Variants in GRIA2 observed in about 807,000 individuals in gnomAD.
GRIA2 encodes the protein glutamate receptor 2.
A neutral mutation model predicts 97.3 loss-of-function variants in GRIA2; 14 were observed. The ratio of observed to expected loss-of-function variants is 0.14; its 90% CI spans 0.10 to 0.23. GRIA2 has a LOEUF of 0.23. Ranked by LOEUF, GRIA2 falls within the 10% of genes least tolerant of loss-of-function variation. The probability of loss-of-function intolerance (pLI) is 1.00; values close to 1 mark genes in which losing one functional copy is unlikely to be tolerated. For synonymous variants in GRIA2, 412 were observed against 387.8 expected, an observed-to-expected ratio of 1.06 and a Z score of -0.73; for missense variants, 558 against 1,069.8, an observed-to-expected ratio of 0.52 and a Z score of 6.67.
intron 2 of GRIA2, among the ~76,000 whole-genome samples, chr4:157,298,611 CTTTTTTT>C (rs67497887): frequency 1.2e-4 from 4 of 34,314 alleles, no homozygotes; most frequent in Non-Finnish European, 1.5e-4. Context: ...TGAAGCTAAG[CTTTTTTT>C]TTTTTTTTTT....
At position 157,341,419 on chromosome 4, in the gene GRIA2, C is replaced by T; in HGVS notation, c.2000C>T (p.Ala667Val). 1.2e-6 allele frequency: 2 copies of T among 1,612,480 alleles called. No homozygotes were observed. Among genetic ancestry groups the T allele is most frequent in the East Asian group, 4.5e-5 (2 of 44,836 alleles). ...GATCTTTCTAAGCAAACAGAAATTGCTTATGGAACATTAGACTCTGGCTCC... is the reference window on the plus strand; with the variant it reads ...GATCTTTCTAAGCAAACAGAAATTGTTTATGGAACATTAGACTCTGGCTCC... ...AEDLSKQTEI[A>V]YGTLDSGSTK... The change falls in exon 12 of 16, where the codon GCT becomes GTT. Residue 667 changes from alanine (A) to valine (V), a missense_variant. Ala to Val is a moderately conservative substitution (Grantham distance 64, BLOSUM62 0). This residue lies in a region of GRIA2 where 125 missense variants were observed against 310.2 expected (regional missense o/e 0.40). Transcript: ENST00000264426.
intron 12 of GRIA2, among the ~76,000 whole-genome samples, chr4:157,351,131 G>C (rs921967036): frequency 4.6e-5 from 7 of 151,924 alleles, no homozygotes; most frequent in African/African-American, 1.7e-4. Context: ...ATCAGCATTT[G>C]TATATGAAGA....
chr4:157,277,892 ATATATATATGTATATATG>A lies in GRIA2; in HGVS notation c.230-25642_230-25625del, dbSNP rs1163356626. Among the ~76,000 whole-genome samples the A allele has an allele frequency of 2.1e-4, 15 of 73,024 alleles. 1 individual carries two copies. Among genetic ancestry groups the A allele is most frequent in the South Asian group, 1.1e-3 (3 of 2,794 alleles). 47.9% of individuals were successfully genotyped at this position (73,024 alleles called of 152,430 possible). On this transcript the variant is annotated intron_variant, in intron 2 of 15. Transcript: ENST00000264426. ...TATATGTATATATATGTATATATGT[ATATATATATGTATATATG>A]TATATATATGTATATATATATGTGA...
At chr4:157,352,359 TA>T (rs1351944954) in intron 12 of GRIA2, among the ~76,000 whole-genome samples, 1 of 152,118 alleles carries the variant, frequency 6.6e-6, no homozygotes, top group African/African-American at 2.4e-5. Context: ...GCTTAGATTG[TA>T]AAATTTTTAG....
intron 12 of GRIA2, among the ~76,000 whole-genome samples, chr4:157,354,569 A>G (rs1372066761): frequency 1.3e-5 from 2 of 152,218 alleles, no homozygotes; most frequent in African/African-American, 4.8e-5. Context: ...AGAGAAGTCA[A>G]AGTATGCACC....
At chr4:157,253,193 T>G (rs1182877784) in intron 2 of GRIA2, among the ~76,000 whole-genome samples, 1 of 151,856 alleles carries the variant, frequency 6.6e-6, no homozygotes, top group African/African-American at 2.4e-5. Context: ...CTTGGCTCAC[T>G]GCAACCTCTG....
At chr4:157,256,233 A>ATGTT (rs1561013226) in intron 2 of GRIA2, among the ~76,000 whole-genome samples, 7 of 124,590 alleles carry the variant, frequency 5.6e-5, no homozygotes, top group South Asian at 4.5e-4. Flanking sequence ...TATAATATAT[A>ATGTT]ATATATATAT....
chr4:157,338,810 A>G (rs998196513), intron 11 of GRIA2, among the ~76,000 whole-genome samples: 2 of 152,064 alleles, frequency 1.3e-5, no homozygotes, highest in East Asian at 1.9e-4. Context: ...AACATAATAC[A>G]TTGGAAAAGT....
At chr4:157,312,653 G>C in intron 3 of GRIA2, 26 bp from the exon 4 acceptor site, 11 of 1,359,198 alleles carry the variant, frequency 8.1e-6, no homozygotes, top group Non-Finnish European at 1.1e-5. Flanking sequence ...ATCTTTATCA[G>C]TCATCATTTT....
chr4:157,297,882 A>T (rs900584286), intron 2 of GRIA2, among the ~76,000 whole-genome samples: 8 of 152,076 alleles, frequency 5.3e-5, no homozygotes, highest in Non-Finnish European at 1.0e-4. Context: ...CAAAATAATC[A>T]TGAAAATACA....
chr4:157,360,234 C>A, intron 13 of GRIA2, 91 bp downstream of exon 13: 1 of 1,320,256 alleles, frequency 7.6e-7, no homozygotes, highest in South Asian at 1.4e-5. Context: ...GGTTTGTATA[C>A]GGATATGAGG....
chr4:157,298,876 G>C, intron 2 of GRIA2, among the ~76,000 whole-genome samples: 1 of 152,070 alleles, frequency 6.6e-6, no homozygotes, highest in South Asian at 2.1e-4. Flanking sequence ...GAAGGCTTGG[G>C]AAATATGTGC....
intron 2 of GRIA2, among the ~76,000 whole-genome samples, chr4:157,251,992 C>T (rs1433274998): frequency 6.6e-6 from 1 of 152,088 alleles, no homozygotes; most frequent in African/African-American, 2.4e-5. Context: ...CACTTTGTTG[C>T]TTTTGCACCA....
chr4:157,359,334 A>G (rs1736534379), intron 12 of GRIA2, among the ~76,000 whole-genome samples: 1 of 152,186 alleles, frequency 6.6e-6, no homozygotes, highest in South Asian at 2.1e-4. Flanking sequence ...TTAAAAGAAA[A>G]CTTCAATGGC....
At chr4:157,232,578 A>G (rs1730066548) in intron 2 of GRIA2, among the ~76,000 whole-genome samples, 1 of 152,076 alleles carries the variant, frequency 6.6e-6, no homozygotes, top group African/African-American at 2.4e-5. Context: ...ATTATTACTA[A>G]TTTACATACA....
At chr4:157,271,071 G>C (rs1345825887) in intron 2 of GRIA2, among the ~76,000 whole-genome samples, 5 of 151,862 alleles carry the variant, frequency 3.3e-5, no homozygotes, top group African/African-American at 1.2e-4. Context: ...GATTATTACT[G>C]GTTCATACTA....
intron 4 of GRIA2, among the ~76,000 whole-genome samples, 199 bp downstream of exon 4, chr4:157,313,074 T>C (rs1473196543): frequency 6.6e-6 from 1 of 152,204 alleles, no homozygotes; most frequent in Non-Finnish European, 1.5e-5. Context: ...TGCTGGCACA[T>C]CATGTTAATC....
At chr4:157,225,781 G>A (rs572433501) in intron 2 of GRIA2, among the ~76,000 whole-genome samples, 10 of 151,584 alleles carry the variant, frequency 6.6e-5, no homozygotes, top group South Asian at 2.1e-4. Flanking sequence ...AAACACAAGC[G>A]GTTTAATACA....
At position 157,355,936 on chromosome 4, in the gene GRIA2, T is replaced by C. The variant is rs189232117; in HGVS notation, c.2044-3960T>C. ...ATATTAATATATTTATATATATTTA[T>C]ATATTAATATATATTTATATATTTA... On this transcript the variant is annotated intron_variant, in intron 12 of 15. Coordinates refer to ENST00000264426, the MANE Select transcript of GRIA2 (RefSeq NM_001083619.3). Among the ~76,000 whole-genome samples the C allele has an allele frequency of 8.6e-5, 3 of 34,690 alleles. 1 individual carries two copies. The highest frequency in any genetic ancestry group is 3.9e-4 in the African/African-American group (3 of 7,610). The allele number at this position is 34,690 out of a possible 152,430, so 22.8% of individuals were successfully genotyped here.
Sources: allele counts gnomAD v4.1 joint callset (sites outside exome capture counted in the v4.1 genomes callset), GRCh38; gene constraint gnomAD v4.1.1; regional missense constraint gnomAD v4.1.1; transcripts MANE v1.5; gene names NCBI Gene and HGNC (gene_info 2026-07-23, HGNC 2026-07-21).